Variants in PTCD1 observed in about 807,000 individuals in gnomAD.
The protein encoded by PTCD1 is pentatricopeptide repeat domain 1.
In PTCD1, 50 loss-of-function variants were observed where a neutral mutation model predicts 53.4. That is an observed-to-expected ratio of 0.94 (90% CI 0.75 to 1.19). The LOEUF (loss-of-function observed/expected upper bound fraction) is 1.19, where lower values mean the gene tolerates loss of function less well. Among genes scored for constraint, PTCD1 ranks in the 50% most tolerant of loss-of-function variants. The pLI is 0.00. For missense variants in PTCD1, 918 were observed against 904.8 expected, an observed-to-expected ratio of 1.01 and a Z score of -0.19; for synonymous variants, 413 against 394.8, an observed-to-expected ratio of 1.05 and a Z score of -0.55.
chr7:99,419,283 C>A lies in PTCD1; in HGVS notation c.*684G>T. 7.4e-7 allele frequency: 1 copy of A among 1,357,968 alleles called. No homozygotes were observed. The highest frequency in any genetic ancestry group is 1.0e-6 in the Non-Finnish European group (1 of 961,130). 84.1% of individuals were successfully genotyped at this position (1,357,968 alleles called of 1,614,324 possible). On this transcript the variant is annotated 3_prime_UTR_variant, in exon 8 of 8. Transcript: ENST00000292478. Reference sequence around the variant, plus strand: ...CAAGGAAGGGTTTCTGAGGTGTGTCCCTATATGGCATGGTGGCAGGTCCTT... The same window carrying A: ...CAAGGAAGGGTTTCTGAGGTGTGTCACTATATGGCATGGTGGCAGGTCCTT...
chr7:99,431,654 C>T (rs7794682), intron 3 of PTCD1, among the ~76,000 whole-genome samples: 57,341 of 151,878 alleles, frequency 0.38, 17,478 homozygotes, highest in African/African-American at 0.84. Context: ...GGTATGAGAA[C>T]TGCTCGAGCC....
intron 4 of PTCD1, 48 bp downstream of exon 4, chr7:99,429,540 G>A (rs763912770): frequency 7.4e-6 from 12 of 1,613,142 alleles, no homozygotes; most frequent in East Asian, 6.7e-5. Context: ...CCCCTGACAC[G>A]TGGGACCAGC....
intron 6 of PTCD1, 136 bp downstream of exon 6, chr7:99,424,659 T>G (rs1239960249): frequency 7.4e-6 from 9 of 1,210,814 alleles, no homozygotes; most frequent in Non-Finnish European, 9.2e-6. Context: ...AGAAGGTCAT[T>G]GACCCCACTC....
At position 99,417,433 on chromosome 7, in the gene PTCD1, C is replaced by T. The variant is rs200930410; in HGVS notation, c.*2534G>A. On this transcript the variant is annotated 3_prime_UTR_variant, in exon 8 of 8. Coordinates refer to ENST00000292478, the MANE Select transcript of PTCD1 (RefSeq NM_015545.4). Reference sequence around the variant, plus strand: ...CTTTCCCCATCTTTTTGACAGAACTCTATGAATATTGTATTAAAGAAGGCT... The same window carrying T: ...CTTTCCCCATCTTTTTGACAGAACTTTATGAATATTGTATTAAAGAAGGCT... The T allele has an allele frequency of 9.6e-5, 155 of 1,613,786 alleles. No homozygotes were observed. The highest frequency in any genetic ancestry group is 1.3e-4 in the Non-Finnish European group (148 of 1,179,908).
Position 99,425,537 on chromosome 7 carries a change from C to T in PTCD1, c.995G>A (p.Cys332Tyr), listed in dbSNP as rs773271981. The part of the protein sequence containing the change: ...YNLLLVAARD[C>Y]GLGDPQVASE... ...GGCCACCTGGGGGTCCCCTAGGCCA[C>T]AGTCCCGAGCTGCCACCAACAGCAG... The change falls in exon 6 of 8, where the codon TGT becomes TAT. Residue 332 changes from cysteine to tyrosine, a missense_variant. Coordinates refer to ENST00000292478, the MANE Select transcript of PTCD1 (RefSeq NM_015545.4). 1 of 1,612,642 alleles carries T rather than the reference C, an allele frequency of 6.2e-7. No homozygotes were observed. Among genetic ancestry groups the T allele is most frequent in the East Asian group, 2.2e-5 (1 of 44,870 alleles).
At chr7:99,424,258 GCACGGT>G (rs1795933520) in intron 6 of PTCD1, among the ~76,000 whole-genome samples, 1 of 152,202 alleles carries the variant, frequency 6.6e-6, no homozygotes, top group Non-Finnish European at 1.5e-5. Flanking sequence ...TTCCTGTGAC[GCACGGT>G]CACCAGGTGG....
chr7:99,427,047 C>T (rs1043402363), intron 5 of PTCD1, among the ~76,000 whole-genome samples: 1 of 150,902 alleles, frequency 6.6e-6, no homozygotes, highest in African/African-American at 2.4e-5. Context: ...AAGTGAGGAG[C>T]GTCTCCGCCC....
chr7:99,438,083 G>A (rs1796560891), intron 1 of PTCD1, among the ~76,000 whole-genome samples: 2 of 152,018 alleles, frequency 1.3e-5, no homozygotes, highest in Admixed American at 6.6e-5. Context: ...GAAAAATAGG[G>A]GTGCATTTTG....
intron 1 of PTCD1, among the ~76,000 whole-genome samples, 192 bp from the exon 2 acceptor site, chr7:99,435,460 G>C (rs1290023392): frequency 1.3e-5 from 2 of 151,410 alleles, no homozygotes; most frequent in Non-Finnish European, 2.9e-5. Context: ...ACAACATGGT[G>C]AAACCCCGTC....
At chr7:99,436,571 C>T (rs994957410) in intron 1 of PTCD1, among the ~76,000 whole-genome samples, 11 of 152,042 alleles carry the variant, frequency 7.2e-5, no homozygotes, top group African/African-American at 1.4e-4. Flanking sequence ...GCCAAGATCG[C>T]GCCATTGCAC....
intron 3 of PTCD1, among the ~76,000 whole-genome samples, chr7:99,431,338 C>T (rs935366674): frequency 6.6e-6 from 1 of 151,984 alleles, no homozygotes; most frequent in African/African-American, 2.4e-5. Context: ...CCATGTTGGC[C>T]AGGATGGTCT....
intron 7 of PTCD1, among the ~76,000 whole-genome samples, chr7:99,422,787 T>C (rs1327089894): frequency 6.6e-6 from 1 of 152,148 alleles, no homozygotes. Flanking sequence ...CCAGGCAACA[T>C]GGCGATGGCC....
intron 6 of PTCD1, among the ~76,000 whole-genome samples, chr7:99,424,541 G>GT (rs971301998): frequency 4.6e-5 from 7 of 152,198 alleles, no homozygotes; most frequent in Non-Finnish European, 5.9e-5. Flanking sequence ...GCCCAGCCCT[G>GT]TGTCAACCCA....
chr7:99,436,049 G>A (rs983550997), intron 1 of PTCD1, among the ~76,000 whole-genome samples: 3 of 152,022 alleles, frequency 2.0e-5, no homozygotes, highest in African/African-American at 4.8e-5. Flanking sequence ...GTGCTCAAGC[G>A]ATCCTCCCAT....
chr7:99,435,362 G>T, intron 1 of PTCD1, 94 bp from the exon 2 acceptor site: 1 of 1,493,676 alleles, frequency 6.7e-7, no homozygotes, highest in Non-Finnish European at 9.0e-7. Flanking sequence ...GCCCAGGCCA[G>T]GCGCGGTGGC....
At chr7:99,435,663 G>C (rs977090655) in intron 1 of PTCD1, among the ~76,000 whole-genome samples, 1 of 144,258 alleles carries the variant, frequency 6.9e-6, no homozygotes, top group African/African-American at 2.6e-5. Flanking sequence ...AAGAAAGAAA[G>C]AAAAAGAACA....
chr7:99,423,742 G>T (rs780220251), intron 7 of PTCD1, 33 bp downstream of exon 7: 3 of 1,612,894 alleles, frequency 1.9e-6, no homozygotes, highest in Non-Finnish European at 1.7e-6. Context: ...AATGGTGAAG[G>T]AGCTGATGAG....
intron 7 of PTCD1, among the ~76,000 whole-genome samples, chr7:99,422,096 G>T (rs1387593452): frequency 3.3e-5 from 5 of 152,086 alleles, no homozygotes. Context: ...CCAGTACCCA[G>T]AATATATAAA....
At position 99,419,339 on chromosome 7, in the gene PTCD1, C is replaced by A; in HGVS notation, c.*628G>T. 6.2e-7 allele frequency: 1 copy of A among 1,602,106 alleles called. No individual in the cohort carries two copies. On this transcript the variant is annotated 3_prime_UTR_variant, in exon 8 of 8. Coordinates refer to ENST00000292478, the MANE Select transcript of PTCD1 (RefSeq NM_015545.4). ...GAGGGTTGCCACATATGTGAGTGTG[C>A]AGGGGCGAGCGTGGCGCAGTGGCAT...
Sources: allele counts gnomAD v4.1 joint callset (sites outside exome capture counted in the v4.1 genomes callset), GRCh38; gene constraint gnomAD v4.1.1; transcripts MANE v1.5; gene names NCBI Gene and HGNC (gene_info 2026-07-23, HGNC 2026-07-21).